Variants in GREB1L observed in about 807,000 individuals in gnomAD.
GREB1L encodes the protein GREB1 like retinoic acid receptor coactivator, also known as GREB1-like protein.
A neutral mutation model predicts 200.8 loss-of-function variants in GREB1L; 17 were observed. The observed-to-expected ratio is 0.08, with a 90% CI of 0.06 to 0.13. GREB1L has a LOEUF of 0.13. Among genes scored for constraint, GREB1L ranks in the 10% least tolerant of loss-of-function variants. GREB1L has a pLI of 1.00. For synonymous variants in GREB1L, 789 were observed against 893.0 expected (o/e 0.88, Z 2.08); for missense variants, 1,657 against 2,367.7 (o/e 0.70, Z 6.23).
chr18:21,473,240 T>A, intron 16 of GREB1L, 29 bp downstream of exon 16: 1 of 1,424,684 alleles, frequency 7.0e-7, no homozygotes, highest in Non-Finnish European at 9.3e-7. Flanking sequence ...GCAAATGGAG[T>A]CTCCCTTCTA....
At chr18:21,434,539 A>ATATATATATG (rs1568007784) in intron 7 of GREB1L, among the ~76,000 whole-genome samples, 3 of 132,356 alleles carry the variant, frequency 2.3e-5, no homozygotes, top group African/African-American at 1.0e-4. Flanking sequence ...GTGTATATAT[A>ATATATATATG]TGTGTATATA....
chr18:21,444,595 C>T (rs984400156), intron 11 of GREB1L, among the ~76,000 whole-genome samples, 186 bp downstream of exon 11: 1 of 152,174 alleles, frequency 6.6e-6, no homozygotes, highest in African/African-American at 2.4e-5. Flanking sequence ...CTTTTCTACT[C>T]CTTTCCTTTC....
chr18:21,453,830 G>A (rs529408283), intron 14 of GREB1L, among the ~76,000 whole-genome samples: 68 of 152,234 alleles, frequency 4.5e-4, no homozygotes, highest in Admixed American at 1.8e-3. Flanking sequence ...TGTAGTGACT[G>A]GGGAGGGAAT....
chr18:21,377,523 C>A (rs921350228), intron 2 of GREB1L, among the ~76,000 whole-genome samples: 5 of 152,066 alleles, frequency 3.3e-5, no homozygotes, highest in Non-Finnish European at 7.3e-5. Flanking sequence ...GACCTGTAAT[C>A]CCAGTACTCT....
At chr18:21,243,597 C>T in intron 1 of GREB1L, among the ~76,000 whole-genome samples, 1 of 152,198 alleles carries the variant, frequency 6.6e-6, no homozygotes, top group East Asian at 1.9e-4. Flanking sequence ...TGAACTCAGT[C>T]CCCCTTAATA....
chr18:21,417,486 C>G (rs1726361712), intron 7 of GREB1L, among the ~76,000 whole-genome samples: 1 of 152,006 alleles, frequency 6.6e-6, no homozygotes, highest in Admixed American at 6.6e-5. Context: ...TGCACTCCAG[C>G]CTGGATGAAA....
intron 1 of GREB1L, among the ~76,000 whole-genome samples, chr18:21,294,452 A>AAAT (rs1014970209): frequency 3.3e-5 from 5 of 151,860 alleles, no homozygotes; most frequent in South Asian, 2.1e-4. Flanking sequence ...TTTGAAAACA[A>AAAT]AATAATAATA....
intron 7 of GREB1L, among the ~76,000 whole-genome samples, chr18:21,421,011 G>T (rs545529764): frequency 3.3e-5 from 5 of 151,632 alleles, no homozygotes; most frequent in Non-Finnish European, 7.4e-5. Context: ...AGACCAAAAA[G>T]AAACAAAAAA....
intron 15 of GREB1L, among the ~76,000 whole-genome samples, chr18:21,464,463 G>A (rs1193058274): frequency 1.4e-5 from 2 of 147,386 alleles, no homozygotes; most frequent in African/African-American, 5.0e-5. Context: ...AGAATCACTT[G>A]AATCCAAGAG....
At chr18:21,263,229 T>C (rs1374497889) in intron 1 of GREB1L, among the ~76,000 whole-genome samples, 2 of 152,214 alleles carry the variant, frequency 1.3e-5, no homozygotes, top group Non-Finnish European at 2.9e-5. Context: ...AAGAACTCCA[T>C]TGATGACTTT....
At chr18:21,493,129 T>A (rs1307884445) in intron 19 of GREB1L, among the ~76,000 whole-genome samples, 3 of 152,216 alleles carry the variant, frequency 2.0e-5, no homozygotes, top group Non-Finnish European at 4.4e-5. Context: ...TTCTAAGTTA[T>A]CAACCTCCTT....
chr18:21,486,222 C>T (rs1290901077), intron 18 of GREB1L, among the ~76,000 whole-genome samples: 1 of 152,020 alleles, frequency 6.6e-6, no homozygotes, highest in Admixed American at 6.6e-5. Flanking sequence ...GGCGTGGTGG[C>T]AGATGCCTGT....
intron 7 of GREB1L, among the ~76,000 whole-genome samples, chr18:21,411,299 C>T (rs1181184951): frequency 1.1e-4 from 16 of 152,042 alleles, no homozygotes; most frequent in Non-Finnish European, 1.8e-4. Flanking sequence ...CCCCGCCTCC[C>T]GGGTTCACAC....
intron 32 of GREB1L, among the ~76,000 whole-genome samples, chr18:21,521,274 G>A (rs2037591009): frequency 6.6e-6 from 1 of 151,952 alleles, no homozygotes; most frequent in African/African-American, 2.4e-5. Context: ...GGGAGGCTGA[G>A]GCGGGAGAAT....
intron 2 of GREB1L, among the ~76,000 whole-genome samples, chr18:21,371,203 C>T (rs2039859022): frequency 6.6e-6 from 1 of 152,116 alleles, no homozygotes; most frequent in Non-Finnish European, 1.5e-5. Context: ...TTGGACAGTC[C>T]AGAATATGAA....
chr18:21,310,656 C>G (rs1044398597), intron 1 of GREB1L, among the ~76,000 whole-genome samples: 1 of 152,020 alleles, frequency 6.6e-6, no homozygotes, highest in Non-Finnish European at 1.5e-5. Context: ...TCTCAGATAC[C>G]CCCACAGGTC....
rs770520478 is a variant in GREB1L, at chr18:21,490,109, G to A, written c.2788G>A (p.Asp930Asn). 2.4e-5 allele frequency: 38 copies of A among 1,551,692 alleles called. No individual in the cohort carries two copies. Among genetic ancestry groups the A allele is most frequent in the South Asian group, 2.1e-4 (18 of 84,030 alleles). The change falls in exon 19 of 33, where the codon GAC becomes AAC. Residue 930 changes from aspartate (D) to asparagine (N), a missense_variant. Coordinates refer to ENST00000424526, the MANE Select transcript of GREB1L (RefSeq NM_001142966.3). ...TCTCACCACCATGGCGTCACTCCGC[G>A]ACCACAGCACACCAGAAACACTCAG... ...MALTTMASLR[D>N]HSTPETLSIM...
chr18:21,456,310 A>G (rs1404237396), intron 15 of GREB1L, among the ~76,000 whole-genome samples: 1 of 152,240 alleles, frequency 6.6e-6, no homozygotes, highest in African/African-American at 2.4e-5. Context: ...ACTTTTAAAA[A>G]TAACTAAAAG....
chr18:21,349,896 A>T (rs1471454263), intron 1 of GREB1L, among the ~76,000 whole-genome samples: 1 of 152,176 alleles, frequency 6.6e-6, no homozygotes, highest in Non-Finnish European at 1.5e-5. Flanking sequence ...CCATACCCCA[A>T]CCCTTGGCTG....
Sources: gnomAD v4.1 joint callset for allele counts (sites outside exome capture counted in the v4.1 genomes callset) on GRCh38, gnomAD v4.1.1 for gene constraint, MANE v1.5 for transcripts, NCBI Gene and HGNC (gene_info 2026-07-23, HGNC 2026-07-21) for gene names.